The following FERRY3 variants were observed in gnomAD, a reference collection of about 807,000 sequenced individuals.
FERRY3 encodes the protein protein C12orf4.
the FERRY3 span, among the ~76,000 whole-genome samples, chr12:4,519,771 T>C: frequency 6.6e-6 from 1 of 152,120 alleles, no homozygotes; most frequent in African/African-American, 2.4e-5. This position sits in a 1 kb window ranked among gnomAD's most constrained non-coding sequence, Gnocchi z 4.3. Flanking sequence ...CAGCATTAGG[T>C]TCTCATAGGA....
the FERRY3 span, among the ~76,000 whole-genome samples, chr12:4,505,030 G>A: frequency 1.3e-5 from 2 of 152,174 alleles, no homozygotes; most frequent in South Asian, 2.1e-4. Flanking sequence ...GCTTGAACCC[G>A]GGTGGCAGAG....
At chr12:4,505,491 A>G in the FERRY3 span, 1 of 707,668 alleles carries the variant, frequency 1.4e-6, no homozygotes, top group Non-Finnish European at 2.4e-6. Flanking sequence ...AAGGGCATCT[A>G]TGTGCCAGGC....
chr12:4,493,416 G>C, the FERRY3 span, among the ~76,000 whole-genome samples: 107 of 152,296 alleles, frequency 7.0e-4, no homozygotes, highest in Admixed American at 1.2e-3. Flanking sequence ...CATTTAAAAA[G>C]AATGTGACTT....
chr12:4,526,797 G>A, the FERRY3 span, among the ~76,000 whole-genome samples: 7 of 150,902 alleles, frequency 4.6e-5, no homozygotes, highest in South Asian at 6.3e-4. Context: ...AGCTGAGATC[G>A]TGTCACTGTA....
the FERRY3 span, chr12:4,489,802 A>T: frequency 1.2e-5 from 19 of 1,580,618 alleles, no homozygotes; most frequent in Non-Finnish European, 1.2e-5. Context: ...TCAATCTATA[A>T]GGGTTTAGTG....
At chr12:4,507,716 A>G in the FERRY3 span, among the ~76,000 whole-genome samples, 1 of 152,368 alleles carries the variant, frequency 6.6e-6, no homozygotes, top group South Asian at 2.1e-4. Context: ...ATGCAACAGC[A>G]TAAAAGTATG....
At chr12:4,536,222 A>T in the FERRY3 span, 1 of 1,485,866 alleles carries the variant, frequency 6.7e-7, no homozygotes, top group African/African-American at 1.4e-5. Flanking sequence ...CTACAGAACT[A>T]ACAAAAAAGC....
chr12:4,519,698 AG>A, the FERRY3 span, among the ~76,000 whole-genome samples: 1 of 152,208 alleles, frequency 6.6e-6, no homozygotes, highest in Non-Finnish European at 1.5e-5. The surrounding 1 kb of genome is among the most constrained non-coding windows in gnomAD (Gnocchi z 4.3). Context: ...GCCGCACAGC[AG>A]GAAGTGAGCA....
the FERRY3 span, chr12:4,534,444 C>G: frequency 1.0e-6 from 1 of 953,400 alleles, no homozygotes; most frequent in Non-Finnish European, 1.5e-6. Context: ...CTCTCTGTTA[C>G]ACAGGCTGGA....
the FERRY3 span, chr12:4,491,213 A>C: frequency 1.2e-6 from 2 of 1,613,278 alleles, no homozygotes; most frequent in Non-Finnish European, 1.7e-6. Context: ...GCTCTCCTTA[A>C]GCACCAGGGT....
At chr12:4,528,596 T>C in the FERRY3 span, among the ~76,000 whole-genome samples, 1 of 152,160 alleles carries the variant, frequency 6.6e-6, no homozygotes, top group South Asian at 2.1e-4. Flanking sequence ...ATCATTCTAA[T>C]ATTTTACAAA....
At chr12:4,509,693 T>A in the FERRY3 span, among the ~76,000 whole-genome samples, 1 of 142,874 alleles carries the variant, frequency 7.0e-6, no homozygotes, top group African/African-American at 2.8e-5. Context: ...GGGTCCTGTC[T>A]GTTAGAAGGA....
the FERRY3 span, among the ~76,000 whole-genome samples, chr12:4,509,537 G>A: frequency 9.4e-4 from 140 of 149,302 alleles, no homozygotes; most frequent in East Asian, 7.0e-3. Context: ...CTCCCAGCAC[G>A]CGGCTGGAGA....
At chr12:4,507,553 T>C in the FERRY3 span, among the ~76,000 whole-genome samples, 1 of 152,216 alleles carries the variant, frequency 6.6e-6, no homozygotes, top group African/African-American at 2.4e-5. Context: ...TCTGTAGATA[T>C]GCTTACTGCT....
the FERRY3 span, among the ~76,000 whole-genome samples, chr12:4,532,847 A>G: frequency 3.9e-5 from 6 of 152,056 alleles, no homozygotes; most frequent in African/African-American, 1.4e-4. Flanking sequence ...TGTACCTTAT[A>G]TTACCCACCT....
chr12:4,515,825 T>G, the FERRY3 span, among the ~76,000 whole-genome samples: 15 of 152,198 alleles, frequency 9.9e-5, no homozygotes, highest in African/African-American at 3.4e-4. Flanking sequence ...CACAGAAAAG[T>G]GGTAACTATC....
the FERRY3 span, chr12:4,533,950 G>C: frequency 2.4e-6 from 1 of 417,800 alleles, no homozygotes; most frequent in East Asian, 3.9e-5. Flanking sequence ...GTAGCCTCTT[G>C]TTTTACAAAG....
chr12:4,533,105 CAGAAG>C, the FERRY3 span, among the ~76,000 whole-genome samples: 8 of 152,286 alleles, frequency 5.3e-5, no homozygotes, highest in East Asian at 1.2e-3. Flanking sequence ...TTGAAACACT[CAGAAG>C]AGAATATTCT....
At chr12:4,535,046 A>C in the FERRY3 span, among the ~76,000 whole-genome samples, 1 of 152,232 alleles carries the variant, frequency 6.6e-6, no homozygotes, top group Non-Finnish European at 1.5e-5. This position sits in a 1 kb window ranked among gnomAD's most constrained non-coding sequence, Gnocchi z 4.0. Context: ...AGAGAAGTTA[A>C]ATGACTAGCT....
Sources: allele counts gnomAD v4.1 joint callset (sites outside exome capture counted in the v4.1 genomes callset), GRCh38; gene constraint gnomAD v4.1.1; non-coding constraint Gnocchi (gnomAD v3.1); transcripts MANE v1.5; gene names NCBI Gene and HGNC (gene_info 2026-07-23, HGNC 2026-07-21).